SCG3: variants seen among roughly 807,000 people sequenced by gnomAD.
SCG3 encodes the protein secretogranin-3.
A neutral mutation model predicts 56.2 loss-of-function variants in SCG3; 38 were observed. The observed-to-expected ratio is 0.68, with a 90% confidence interval of 0.52 to 0.89. SCG3 has a LOEUF of 0.89. SCG3 is among the 40% of genes least tolerant of loss of function. The probability of loss-of-function intolerance (pLI) is 0.00; values close to 1 mark genes in which losing one functional copy is unlikely to be tolerated. For synonymous variants in SCG3, 176 were observed against 184.2 expected, an observed-to-expected ratio of 0.96 and a Z score of 0.36; for missense variants, 524 against 540.7, an observed-to-expected ratio of 0.97 and a Z score of 0.31.
intron 6 of SCG3, 59 bp downstream of exon 6, chr15:51,689,427 G>C: frequency 6.7e-7 from 1 of 1,501,060 alleles, no homozygotes; most frequent in East Asian, 2.5e-5. Flanking sequence ...GTGTGTGTGT[G>C]TGTGTACTTC....
At chr15:51,704,438 T>C (rs1177458291) in intron 10 of SCG3, among the ~76,000 whole-genome samples, 1 of 150,822 alleles carries the variant, frequency 6.6e-6, no homozygotes, top group Non-Finnish European at 1.5e-5. Context: ...CTTGCAAAAC[T>C]GAAACTCTGT....
At chr15:51,685,867 G>A (rs1035208775) in intron 4 of SCG3, among the ~76,000 whole-genome samples, 1 of 152,130 alleles carries the variant, frequency 6.6e-6, no homozygotes, top group Non-Finnish European at 1.5e-5. Flanking sequence ...GTATGCATTC[G>A]AATATTTATT....
intron 11 of SCG3, among the ~76,000 whole-genome samples, chr15:51,714,359 C>T (rs1172644632): frequency 6.6e-6 from 1 of 151,996 alleles, no homozygotes; most frequent in Non-Finnish European, 1.5e-5. Flanking sequence ...CAGAAGGCAG[C>T]AGAGAGATAA....
At chr15:51,690,318 C>G (rs1198324463) in intron 6 of SCG3, among the ~76,000 whole-genome samples, 1 of 152,136 alleles carries the variant, frequency 6.6e-6, no homozygotes, top group African/African-American at 2.4e-5. Context: ...AGATCTTTCT[C>G]CCCACCTTGA....
intron 8 of SCG3, among the ~76,000 whole-genome samples, chr15:51,697,784 C>A (rs577727048): frequency 2.0e-5 from 3 of 152,140 alleles, no homozygotes; most frequent in African/African-American, 7.2e-5. Flanking sequence ...GACTTACATA[C>A]ATATTAATGT....
chr15:51,687,667 C>A (rs2055237953), intron 4 of SCG3, among the ~76,000 whole-genome samples: 1 of 152,138 alleles, frequency 6.6e-6, no homozygotes, highest in Non-Finnish European at 1.5e-5. Flanking sequence ...AGTTTTGTCA[C>A]CTTAAGCTGC....
chr15:51,694,636 AT>A (rs1005837705), intron 7 of SCG3, among the ~76,000 whole-genome samples: 10 of 151,822 alleles, frequency 6.6e-5, no homozygotes, highest in South Asian at 2.1e-4. Flanking sequence ...ATGGAAACAG[AT>A]TTTTTTTTCT....
At chr15:51,682,211 T>C (rs1400221815) in intron 1 of SCG3, among the ~76,000 whole-genome samples, 2 of 152,112 alleles carry the variant, frequency 1.3e-5, no homozygotes. Context: ...ATCCAAATTA[T>C]GCTCTCTCTA....
intron 6 of SCG3, among the ~76,000 whole-genome samples, chr15:51,691,117 A>G (rs920836164): frequency 2.0e-5 from 3 of 152,246 alleles, no homozygotes; most frequent in Non-Finnish European, 4.4e-5. Flanking sequence ...AAGATCAAAT[A>G]GGAGTTAACT....
intron 7 of SCG3, among the ~76,000 whole-genome samples, chr15:51,694,539 T>C (rs1399807889): frequency 6.6e-6 from 1 of 151,622 alleles, no homozygotes; most frequent in Non-Finnish European, 1.5e-5. Flanking sequence ...AGGCTAGGAG[T>C]ATTTAGAGAA....
chr15:51,683,449 A>G lies in SCG3; in HGVS notation c.397+15A>G. 2 of 1,559,558 alleles carry G rather than the reference A, an allele frequency of 1.3e-6. No homozygotes were observed. The highest frequency in any genetic ancestry group is 2.2e-5 in the East Asian group (1 of 44,452). On this transcript the variant is annotated intron_variant, in intron 4 of 11. Coordinates refer to ENST00000220478, the MANE Select transcript of SCG3 (RefSeq NM_013243.4). ...TAAATTTCAAGGTAAATGAGAAAAA[A>G]AGAACTTTTTGTTAACGTGGAGTTT... is the stretch of plus-strand genomic sequence containing the variant.
At chr15:51,715,469 A>G (rs1033800683) in intron 11 of SCG3, among the ~76,000 whole-genome samples, 17 of 152,092 alleles carry the variant, frequency 1.1e-4, no homozygotes, top group African/African-American at 4.1e-4. Flanking sequence ...TTGGTAAGGG[A>G]CTGGGTGACC....
chr15:51,694,900 G>A (rs758671111), intron 7 of SCG3, among the ~76,000 whole-genome samples: 8 of 151,948 alleles, frequency 5.3e-5, no homozygotes, highest in African/African-American at 7.2e-5. Context: ...GCATGGTGGC[G>A]CACGCCTATA....
Position 51,682,564 on chromosome 15 carries a change from G to C in SCG3, c.130G>C (p.Glu44Gln), listed in dbSNP as rs1292269258. 1.4e-6 allele frequency: 2 copies of C among 1,420,844 alleles called. No homozygotes were observed. Among genetic ancestry groups the C allele is most frequent in the African/African-American group, 3.0e-5 (2 of 66,068 alleles). 88.0% of individuals were successfully genotyped at this position (1,420,844 alleles called of 1,614,324 possible). Residue 44 changes from glutamate (E) to glutamine (Q), a missense_variant, in exon 2 of 12, where the codon GAA (glutamate) becomes CAA (glutamine). Coordinates refer to ENST00000220478, the MANE Select transcript of SCG3 (RefSeq NM_013243.4). Reference protein sequence around the residue: ...RELSAERPLNEQIAEAEEDKI... With the variant: ...RELSAERPLNQQIAEAEEDKI... ...ATTAAGTGCAGAAAGACCTTTGAAT[G>C]AACAGGTAGGTCAAAAGTAACATTA...
intron 7 of SCG3, among the ~76,000 whole-genome samples, chr15:51,694,627 T>C (rs912567776): frequency 5.2e-4 from 79 of 152,296 alleles, no homozygotes; most frequent in Non-Finnish European, 9.4e-4. Context: ...TCTTCAAAAA[T>C]GGAAACAGAT....
chr15:51,687,297 T>A (rs2055235343), intron 4 of SCG3, among the ~76,000 whole-genome samples: 1 of 152,206 alleles, frequency 6.6e-6, no homozygotes, highest in African/African-American at 2.4e-5. Context: ...ACCAGAGATA[T>A]CACTGGGGCT....
rs752560711 is a variant in SCG3 at position 51,701,160 on chromosome 15, A to G, written c.1123A>G (p.Lys375Glu). 1.2e-6 allele frequency: 2 copies of G among 1,613,958 alleles called. No homozygotes were observed. The highest frequency in any genetic ancestry group is 3.3e-4 in the Middle Eastern group (2 of 6,060). ...ETDSTKEEAAKMEKEYGSLKD... is the reference protein window; with the variant it reads ...ETDSTKEEAAEMEKEYGSLKD... Reference sequence around the variant, plus strand: ...AGACAGTACCAAGGAAGAAGCAGCTAAGATGGAAAAGGAATATGGAAGCTT... The same window carrying G: ...AGACAGTACCAAGGAAGAAGCAGCTGAGATGGAAAAGGAATATGGAAGCTT... The change falls in exon 10 of 12, where the codon AAG (lysine) becomes GAG (glutamate). Residue 375 changes from lysine to glutamate, a missense_variant. Coordinates refer to ENST00000220478, the MANE Select transcript of SCG3 (RefSeq NM_013243.4).
intron 10 of SCG3, among the ~76,000 whole-genome samples, chr15:51,704,525 A>C (rs774095364): frequency 2.0e-5 from 3 of 149,166 alleles, no homozygotes; most frequent in Non-Finnish European, 4.5e-5. Context: ...GTCTCTATGG[A>C]TTTGACTTCT....
chr15:51,685,188 A>G (rs2055220627), intron 4 of SCG3, among the ~76,000 whole-genome samples: 1 of 152,188 alleles, frequency 6.6e-6, no homozygotes, highest in African/African-American at 2.4e-5. Flanking sequence ...CTACTCAGGG[A>G]AATTTACTTT....
Sources: allele counts gnomAD v4.1 joint callset (sites outside exome capture counted in the v4.1 genomes callset), GRCh38; gene constraint gnomAD v4.1.1; transcripts MANE v1.5; gene names NCBI Gene and HGNC (gene_info 2026-07-23, HGNC 2026-07-21).